The following FGF14 variants were observed in gnomAD, a reference collection of about 807,000 sequenced individuals.
The protein encoded by FGF14 is fibroblast growth factor homologous factor 4.
In FGF14, 5 loss-of-function variants were observed where a neutral mutation model predicts 25.5. The observed-to-expected ratio is 0.20, with a 90% confidence interval of 0.10 to 0.41. The LOEUF (loss-of-function observed/expected upper bound fraction) is 0.41. Among genes scored for constraint, FGF14 ranks in the 10% least tolerant of loss-of-function variants. The pLI, the probability that FGF14 is intolerant of heterozygous loss-of-function variation, is 1.00. For synonymous variants in FGF14, 138 were observed against 118.3 expected (o/e 1.17, Z -1.08); for missense variants, 222 against 320.1 (o/e 0.69, Z 2.34).
intron 1 of FGF14, chr13:102,395,784 A>AT (rs2058566952): frequency 6.6e-6 from 1 of 152,230 alleles, no homozygotes; most frequent in Non-Finnish European, 1.5e-5. Flanking sequence ...TGACTTTCTT[A>AT]CATGATGTTA....
At chr13:102,134,752 G>C (rs17588797) in intron 1 of FGF14, among the ~76,000 whole-genome samples, 1 of 152,062 alleles carries the variant, frequency 6.6e-6, no homozygotes, top group African/African-American at 2.4e-5. Context: ...GTATTTGTTC[G>C]TTATCATTTT....
rs146950581 is a variant in FGF14, at chr13:101,963,243, G to T, written c.209-87947C>A. ...GATTGCTTCGTGTTTTCACACTTGT[G>T]ACTCTTCTATTCTAGAAATGTTAAT... On this transcript the variant is annotated intron_variant, in intron 1 of 4. Transcript: ENST00000376131. Among the ~76,000 whole-genome samples, 17 of 152,278 alleles carry T rather than the reference G, an allele frequency of 1.1e-4. No homozygotes were observed. The East Asian group carries it at 2.1e-3, about 19-fold the overall frequency.
chr13:101,807,164 T>C (rs961691714), intron 3 of FGF14, among the ~76,000 whole-genome samples: 2 of 152,168 alleles, frequency 1.3e-5, no homozygotes, highest in Admixed American at 6.6e-5. Context: ...TCACTCTTAG[T>C]GGACTAGCCA....
intron 1 of FGF14, among the ~76,000 whole-genome samples, chr13:102,096,402 G>C (rs2044401470): frequency 6.7e-6 from 1 of 149,146 alleles, no homozygotes. Flanking sequence ...CTGTTGTCCT[G>C]GTCTTTATTA....
chr13:101,888,451 T>A (rs1361182264), intron 1 of FGF14, among the ~76,000 whole-genome samples: 1 of 152,166 alleles, frequency 6.6e-6, no homozygotes, highest in African/African-American at 2.4e-5. Flanking sequence ...CATGAATGTG[T>A]GTGTGTGTGT....
At chr13:102,323,546 T>A (rs372736302) in intron 1 of FGF14, among the ~76,000 whole-genome samples, 1 of 152,198 alleles carries the variant, frequency 6.6e-6, no homozygotes, top group Non-Finnish European at 1.5e-5. Flanking sequence ...CAGAGACAAA[T>A]TGAAATCATA....
chr13:102,401,692 A>G, exon 1 of FGF14: 1 of 1,606,494 alleles, frequency 6.2e-7, no homozygotes, highest in Non-Finnish European at 8.5e-7. Flanking sequence ...AAAAACGATA[A>G]TATTCCGGAT....
At chr13:102,277,981 A>T (rs1566892932) in intron 1 of FGF14, among the ~76,000 whole-genome samples, 2 of 152,214 alleles carry the variant, frequency 1.3e-5, no homozygotes, top group African/African-American at 4.8e-5. Context: ...CCCAGAATCA[A>T]ATACAAGCCT....
rs541852090 is a variant in FGF14, at chr13:101,811,651, T to C, written c.408+57074A>G. ...CCAAGGGACATGATTGCTGGATTGA[T>C]TGTGTGGCAAGATTATGTCTAGTTT... On this transcript the variant is annotated intron_variant, in intron 3 of 4. Transcript: ENST00000376143. Among the ~76,000 whole-genome samples the C allele has an allele frequency of 1.2e-3, 190 of 152,362 alleles. 1 individual carries two copies. The highest frequency in any genetic ancestry group is 4.4e-3 in the African/African-American group (181 of 41,576).
intron 1 of FGF14, among the ~76,000 whole-genome samples, chr13:101,908,816 C>T (rs1177982025): frequency 6.6e-6 from 1 of 152,184 alleles, no homozygotes; most frequent in African/African-American, 2.4e-5. Context: ...AAGCTGGAGG[C>T]ATCATGCTAC....
Position 102,398,413 on chromosome 13 carries a change from A to G in FGF14, c.208+3058T>C, listed in dbSNP as rs61397057. Among the ~76,000 whole-genome samples, 851 of 152,320 alleles carry G rather than the reference A, an allele frequency of 5.6e-3. 5 individuals carry two copies. Among genetic ancestry groups the G allele is most frequent in the African/African-American group, 0.019 (807 of 41,560 alleles). On this transcript the variant is annotated intron_variant, in intron 1 of 4. Transcript: ENST00000376131. ...TTGTTGACAGTTTAGCGAATTGGAA[A>G]TAATCAGTAAATTATTTCATAACTT...
intron 3 of FGF14, among the ~76,000 whole-genome samples, chr13:101,851,678 C>G (rs1440119728): frequency 2.0e-5 from 3 of 152,092 alleles, no homozygotes; most frequent in Admixed American, 6.6e-5. Context: ...TCTCCTCCTC[C>G]TCGTCGTCTT....
intron 1 of FGF14, among the ~76,000 whole-genome samples, chr13:102,021,157 A>G (rs2040629652): frequency 1.3e-5 from 2 of 152,080 alleles, no homozygotes; most frequent in African/African-American, 4.8e-5. Context: ...GAGATTATGC[A>G]TCATTACAGA....
chr13:101,763,784 T>A (rs1187872262), intron 3 of FGF14, among the ~76,000 whole-genome samples: 2 of 152,088 alleles, frequency 1.3e-5, no homozygotes, highest in African/African-American at 4.8e-5. Flanking sequence ...GGCTTGAACC[T>A]GGGAGGCGGA....
At chr13:102,096,956 C>G (rs2044430288) in intron 1 of FGF14, among the ~76,000 whole-genome samples, 2 of 151,958 alleles carry the variant, frequency 1.3e-5, no homozygotes, top group South Asian at 4.1e-4. Flanking sequence ...CCTATTTGTA[C>G]ATAGTCTGTA....
At chr13:102,213,916 A>G (rs1318635727) in intron 1 of FGF14, among the ~76,000 whole-genome samples, 1 of 152,154 alleles carries the variant, frequency 6.6e-6, no homozygotes, top group Non-Finnish European at 1.5e-5. Flanking sequence ...TATTACTCAG[A>G]TGCTCCAGCC....
At chr13:102,378,657 AATCACTACATAT>A (rs2058103431) in intron 1 of FGF14, among the ~76,000 whole-genome samples, 1 of 149,688 alleles carries the variant, frequency 6.7e-6, no homozygotes, top group African/African-American at 2.5e-5. Context: ...CTTCTCTTTT[AATCACTACATAT>A]TTAAAGGCGG....
intron 1 of FGF14, among the ~76,000 whole-genome samples, chr13:102,340,397 T>C (rs1392036091): frequency 1.3e-5 from 2 of 151,942 alleles, no homozygotes; most frequent in Non-Finnish European, 2.9e-5. Flanking sequence ...CTAGGATTGC[T>C]AGCTATTCTT....
chr13:102,081,490 A>G (rs2043618418), intron 1 of FGF14, among the ~76,000 whole-genome samples: 1 of 152,108 alleles, frequency 6.6e-6, no homozygotes, highest in African/African-American at 2.4e-5. Flanking sequence ...ACATTCATCG[A>G]CCTTCCCACT....
Sources: allele counts gnomAD v4.1 joint callset (sites outside exome capture counted in the v4.1 genomes callset), GRCh38; gene constraint gnomAD v4.1.1; transcripts MANE v1.5; gene names NCBI Gene and HGNC (gene_info 2026-07-23, HGNC 2026-07-21).